CFTR: variants seen among roughly 807,000 people sequenced by gnomAD.
CFTR encodes the protein cystic fibrosis transmembrane conductance regulator.
In CFTR, 181 loss-of-function variants were observed where a neutral mutation model predicts 171.6. The observed-to-expected ratio is 1.05, with a 90% CI of 0.93 to 1.19. The LOEUF is 1.19. Among genes scored for constraint, CFTR ranks in the 50% most tolerant of loss-of-function variants. The probability of loss-of-function intolerance (pLI) is 0.00; values close to 1 mark genes in which losing one functional copy is unlikely to be tolerated. For synonymous variants in CFTR, 583 were observed against 608.0 expected, an observed-to-expected ratio of 0.96 and a Z score of 0.60; for missense variants, 1,968 against 1,734.7, an observed-to-expected ratio of 1.13 and a Z score of -2.39.
intron 24 of CFTR, among the ~76,000 whole-genome samples, chr7:117,663,008 A>G (rs1443663955): frequency 1.3e-5 from 2 of 152,152 alleles, no homozygotes; most frequent in Non-Finnish European, 2.9e-5. Flanking sequence ...CTCTCAAGCC[A>G]AGGAATAGAT....
In CFTR at chr7:117,658,670, G is replaced by A. The variant is rs1204644406; in HGVS notation, c.3963+5739G>A. Among the ~76,000 whole-genome samples, 5 of 152,060 alleles carry A rather than the reference G, an allele frequency of 3.3e-5. No individual in the cohort carries two copies. The South Asian group carries it at 1.0e-3, about 32-fold the overall frequency. The stretch of plus-strand genomic sequence containing the variant: ...GCATCCCATCCTCCAGTTTCCCAAG[G>A]CCAAGACCTGGGACTCATCTTTCAC... On this transcript the variant is annotated intron_variant, in intron 24 of 26. Transcript: ENST00000003084.
intron 22 of CFTR, among the ~76,000 whole-genome samples, chr7:117,636,667 C>T (rs183566323): frequency 2.6e-5 from 4 of 152,032 alleles, no homozygotes; most frequent in Admixed American, 2.6e-4. Context: ...TGTGTTCAGT[C>T]TACCAATGAG....
rs397508317 is a variant in CFTR, at chr7:117,592,064, C to G, written c.1897C>G (p.Leu633Val). ...CTATTTTTATGGGACATTTTCAGAA[C>G]TCCAAAATCTACAGCCAGACTTTAG... ...SSYFYGTFSE[L>V]QNLQPDFSSK... Residue 633 changes from leucine to valine, a missense_variant, in exon 14 of 27, where the codon CTC (leucine) becomes GTC (valine). Coordinates refer to ENST00000003084, the MANE Select transcript of CFTR (RefSeq NM_000492.4). 1.2e-6 allele frequency: 2 copies of G among 1,609,790 alleles called. No individual in the cohort carries two copies. Among genetic ancestry groups the G allele is most frequent in the Non-Finnish European group, 1.7e-6 (2 of 1,178,334 alleles).
chr7:117,616,572 T>G (rs1259514132), intron 21 of CFTR, among the ~76,000 whole-genome samples: 3 of 152,148 alleles, frequency 2.0e-5, no homozygotes, highest in Non-Finnish European at 2.9e-5. Context: ...AACCTCTGTT[T>G]GGTGCATTTC....
At chr7:117,518,133 T>A (rs931734207) in intron 3 of CFTR, among the ~76,000 whole-genome samples, 1 of 151,880 alleles carries the variant, frequency 6.6e-6, no homozygotes, top group African/African-American at 2.4e-5. Context: ...TATATGGAAC[T>A]CTATATGTAG....
chr7:117,600,233 C>G (rs1792202091), intron 15 of CFTR, among the ~76,000 whole-genome samples: 1 of 151,980 alleles, frequency 6.6e-6, no homozygotes, highest in African/African-American at 2.4e-5. Flanking sequence ...TACTACAGGG[C>G]AGTATCTTTT....
At chr7:117,663,213 A>C (rs1793317897) in intron 24 of CFTR, among the ~76,000 whole-genome samples, 1 of 152,180 alleles carries the variant, frequency 6.6e-6, no homozygotes, top group Non-Finnish European at 1.5e-5. Context: ...TGAAACAATA[A>C]AAAAGTTGAA....
chr7:117,508,348 TA>T (rs1208942097), intron 2 of CFTR, among the ~76,000 whole-genome samples: 1 of 152,198 alleles, frequency 6.6e-6, no homozygotes, highest in East Asian at 1.9e-4. Context: ...CTATAGTATT[TA>T]AAAGAAAACA....
chr7:117,627,443 TA>T, intron 21 of CFTR, 78 bp from the exon 22 acceptor site: 1 of 1,483,678 alleles, frequency 6.7e-7, no homozygotes, highest in Non-Finnish European at 9.3e-7. Context: ...TTTTACAAGT[TA>T]TTTTTTAGGA....
intron 1 of CFTR, among the ~76,000 whole-genome samples, chr7:117,497,118 G>T (rs1798252857): frequency 6.6e-6 from 1 of 151,988 alleles, no homozygotes; most frequent in African/African-American, 2.4e-5. Context: ...TGTAGGCTTT[G>T]GTGTCACAAT....
intron 22 of CFTR, among the ~76,000 whole-genome samples, 185 bp from the exon 23 acceptor site, chr7:117,642,253 T>C (rs909029140): frequency 1.3e-5 from 2 of 152,196 alleles, no homozygotes; most frequent in Non-Finnish European, 2.9e-5. Context: ...AGGTTGTTTG[T>C]CTCCATATAT....
chr7:117,569,316 G>C (rs1791651255), intron 11 of CFTR, among the ~76,000 whole-genome samples: 1 of 152,124 alleles, frequency 6.6e-6, no homozygotes, highest in African/African-American at 2.4e-5. Context: ...GGGAAGAAGA[G>C]AGAACATTTT....
chr7:117,485,413 T>A (rs1798058413), intron 1 of CFTR, among the ~76,000 whole-genome samples: 1 of 152,180 alleles, frequency 6.6e-6, no homozygotes, highest in African/African-American at 2.4e-5. Flanking sequence ...ATCAAGTTGT[T>A]TGGAGATCTT....
chr7:117,512,439 A>G (rs1396489632), intron 3 of CFTR, among the ~76,000 whole-genome samples: 2 of 152,034 alleles, frequency 1.3e-5, no homozygotes, highest in African/African-American at 4.8e-5. Flanking sequence ...CAGCCTGGCC[A>G]ATATGGTGAA....
chr7:117,540,015 C>T, intron 7 of CFTR, 85 bp from the exon 8 acceptor site: 2 of 1,154,256 alleles, frequency 1.7e-6, no homozygotes, highest in Non-Finnish European at 2.5e-6. Context: ...ACTCTAGAGA[C>T]CATGCTCAGA....
chr7:117,559,451 G>A lies in CFTR; in HGVS notation c.1393-13G>A, dbSNP rs779389972. Reference sequence around the variant, plus strand: ...TTTGATAATGACCTAATAATGATGGGTTTTATTTCCAGACTTCACTTCTAA... The same window carrying A: ...TTTGATAATGACCTAATAATGATGGATTTTATTTCCAGACTTCACTTCTAA... On this transcript the variant is annotated splice_polypyrimidine_tract_variant and intron_variant, in intron 10 of 26. Transcript: ENST00000003084. 5 of 1,572,234 alleles carry A rather than the reference G, an allele frequency of 3.2e-6. No homozygotes were observed. In the Admixed American group the frequency reaches 8.3e-5, roughly 26 times the overall value.
intron 9 of CFTR, among the ~76,000 whole-genome samples, chr7:117,542,705 G>A (rs868128173): frequency 6.6e-6 from 1 of 152,132 alleles, no homozygotes; most frequent in Non-Finnish European, 1.5e-5. Flanking sequence ...TTGAATCCTG[G>A]CTCTGCCATT....
At chr7:117,655,179 T>C (rs535648156) in intron 24 of CFTR, among the ~76,000 whole-genome samples, 1 of 152,362 alleles carries the variant, frequency 6.6e-6, no homozygotes, top group East Asian at 1.9e-4. Context: ...TTTGAAGTTC[T>C]GCTTCCCTTT....
chr7:117,654,468 C>A (rs753202420), intron 24 of CFTR, among the ~76,000 whole-genome samples: 2 of 151,842 alleles, frequency 1.3e-5, no homozygotes, highest in Admixed American at 1.3e-4. Flanking sequence ...CCACCCAAAT[C>A]TTGTCTTGAA....
Sources: allele counts gnomAD v4.1 joint callset (sites outside exome capture counted in the v4.1 genomes callset), GRCh38; gene constraint gnomAD v4.1.1; transcripts MANE v1.5; gene names NCBI Gene and HGNC (gene_info 2026-07-23, HGNC 2026-07-21).